Variants in NRK observed in about 807,000 individuals in gnomAD.
NRK encodes Nik related kinase.
NRK carries 67 observed loss-of-function variants against 125.2 expected under a neutral mutation model. That is an observed-to-expected ratio of 0.54 (90% CI 0.44 to 0.66). The LOEUF is 0.66. NRK is among the 30% of genes least tolerant of loss of function. The pLI is 0.00. For synonymous variants in NRK, 458 were observed against 429.0 expected, an observed-to-expected ratio of 1.07 and a Z score of -0.84; for missense variants, 1,224 against 1,192.9, an observed-to-expected ratio of 1.03 and a Z score of -0.38.
chrX:105,839,475 C>A (rs779464493), intron 2 of NRK, among the ~76,000 whole-genome samples: 2 of 111,578 alleles, frequency 1.8e-5, no homozygotes, highest in South Asian at 3.8e-4. Context: ...AGAGCTATGT[C>A]TTGGTTCCAC....
chrX:105,924,584 C>A, intron 18 of NRK, 111 bp from the exon 19 acceptor site: 2 of 596,872 alleles, frequency 3.4e-6, no homozygotes, highest in Non-Finnish European at 5.3e-6. Context: ...CAAAGACAAG[C>A]CTGGGCATGG....
At chrX:105,838,648 G>A (rs2039294960) in intron 2 of NRK, among the ~76,000 whole-genome samples, 1 of 111,332 alleles carries the variant, frequency 9.0e-6, no homozygotes, top group African/African-American at 3.3e-5. Context: ...TAATTGCCAT[G>A]TACGCTGATG....
intron 4 of NRK, among the ~76,000 whole-genome samples, chrX:105,886,757 G>A (rs189547157): frequency 1.0e-4 from 11 of 105,221 alleles, no homozygotes; most frequent in South Asian, 4.1e-4. Flanking sequence ...ATAAATTATC[G>A]AAAAAAATAA....
intron 2 of NRK, among the ~76,000 whole-genome samples, chrX:105,835,982 T>TA (rs2039260294): frequency 9.0e-6 from 1 of 111,682 alleles, no homozygotes; most frequent in Non-Finnish European, 1.9e-5. Flanking sequence ...CCACAAAAAT[T>TA]AAAAAACAAA....
At chrX:105,857,832 G>A (rs988227083) in intron 2 of NRK, among the ~76,000 whole-genome samples, 38 of 111,538 alleles carry the variant, frequency 3.4e-4, no homozygotes, top group African/African-American at 5.9e-4. Context: ...CAAAATGTGC[G>A]CATAAACAAG....
At chrX:105,841,025 C>G (rs1263403179) in intron 2 of NRK, among the ~76,000 whole-genome samples, 9 of 110,981 alleles carry the variant, frequency 8.1e-5, no homozygotes, top group Non-Finnish European at 1.7e-4. Context: ...ATGAAACACT[C>G]TTTGGAAAAT....
rs169674 is a variant in NRK at position 105,923,634 on chromosome X, A to G, written c.2975+152A>G. 3.4e-3 allele frequency among the ~76,000 whole-genome samples: 375 copies of G among 109,391 alleles called. 1 individual carries two copies. The highest frequency in any genetic ancestry group is 0.011 in the African/African-American group (348 of 30,266). The allele number at this position is 109,391 out of a possible 115,157, so 95.0% of individuals were successfully genotyped here. A position where few individuals can be genotyped will look rare whatever the true frequency, so the allele number is the denominator to read the frequency against. ...TTTGATTGTCAATAATGTATTTTAA[A>G]TTGTTCTAATGCAGAACATCTAATT... On this transcript the variant is annotated intron_variant, in intron 18 of 28. Coordinates refer to ENST00000243300, the MANE Select transcript of NRK (RefSeq NM_198465.4).
At chrX:105,844,181 A>G (rs187338800) in intron 2 of NRK, among the ~76,000 whole-genome samples, 135 of 110,595 alleles carry the variant, frequency 1.2e-3, no homozygotes, top group African/African-American at 3.9e-3. Context: ...ATTATACTCT[A>G]TAAGAGTTAG....
At position 105,955,540 on chromosome X, in the gene NRK, C is replaced by T; in HGVS notation, c.4689C>T (p.Ser1563=). The change falls in exon 29 of 29, where the codon AGC becomes AGT. Residue 1563 remains serine (S), a synonymous_variant. Coordinates refer to ENST00000243300, the MANE Select transcript of NRK (RefSeq NM_198465.4). ...CCTCTACCCTGCGCAATCACCACAG[C>T]CGGGTTTACTTCATGACACTTGGAA... ...FFTSTLRNHH[S]RVYFMTLGKL... is the part of the protein sequence containing the mutation. The T allele has an allele frequency of 8.4e-7, 1 of 1,194,632 alleles. No homozygotes were observed. The highest frequency in any genetic ancestry group is 1.7e-5 in the African/African-American group (1 of 57,482).
At chrX:105,823,206 T>C (rs1329025576) in intron 1 of NRK, among the ~76,000 whole-genome samples, 1 of 112,322 alleles carries the variant, frequency 8.9e-6, no homozygotes, top group African/African-American at 3.2e-5. Context: ...CCGCCTTGTC[T>C]AGCGGAGCTC....
At chrX:105,878,273 A>T (rs1260322263) in intron 2 of NRK, among the ~76,000 whole-genome samples, 4 of 111,038 alleles carry the variant, frequency 3.6e-5, no homozygotes, top group African/African-American at 9.8e-5. Flanking sequence ...AGGGTATCCA[A>T]CATACTCAAT....
At position 105,845,187 on chromosome X, in the gene NRK, C is replaced by G. The variant is rs2039384908; in HGVS notation, c.123+14068C>G. ...TGAGATGTGGACCCAAGCAATTTTA[C>G]TTAGCCTCAATCAAATTTTTTCGTT... On this transcript the variant is annotated intron_variant, in intron 2 of 28. Coordinates refer to ENST00000243300, the MANE Select transcript of NRK (RefSeq NM_198465.4). 2.7e-5 allele frequency among the ~76,000 whole-genome samples: 3 copies of G among 111,862 alleles called. No individual in the cohort carries two copies. In the Admixed American group the frequency reaches 2.8e-4, roughly 11 times the overall value.
chrX:105,838,951 A>T (rs2039298308), intron 2 of NRK, among the ~76,000 whole-genome samples: 1 of 111,361 alleles, frequency 9.0e-6, no homozygotes, highest in Non-Finnish European at 1.9e-5. Context: ...ACCGCCTGAC[A>T]CATTGCTTTT....
intron 27 of NRK, among the ~76,000 whole-genome samples, chrX:105,951,860 T>C (rs1339792294): frequency 8.9e-6 from 1 of 112,715 alleles, no homozygotes; most frequent in African/African-American, 3.2e-5. Context: ...AAGCCTGTGC[T>C]TTAAGTTTAG....
At chrX:105,930,489 G>T (rs984959775) in intron 19 of NRK, among the ~76,000 whole-genome samples, 2 of 110,075 alleles carry the variant, frequency 1.8e-5, no homozygotes, top group African/African-American at 6.6e-5. Flanking sequence ...AAATTTCATT[G>T]ATTTGTCTAT....
intron 2 of NRK, among the ~76,000 whole-genome samples, chrX:105,873,155 C>T (rs889447804): frequency 2.4e-4 from 27 of 111,395 alleles, no homozygotes; most frequent in African/African-American, 7.8e-4. Flanking sequence ...AAGCAAATAA[C>T]GGGAAGGACT....
chrX:105,946,419 C>T lies in NRK; in HGVS notation c.4308C>T (p.Ile1436=), dbSNP rs962936267. Residue 1436 remains isoleucine, a synonymous_variant, in exon 26 of 29, where the codon ATC becomes ATT. Transcript: ENST00000243300. ...GCTCAGCAGATGGATATCACCTCAT[C>T]GATGCAGAATCTGAGGTTATGTCTG... The part of the protein sequence containing the change: ...FFSSADGYHL[I]DAESEVMSDV... The T allele has an allele frequency of 8.4e-7, 1 of 1,196,209 alleles. No individual in the cohort carries two copies. The highest frequency in any genetic ancestry group is 1.1e-6 in the Non-Finnish European group (1 of 882,308).
Position 105,860,354 on chromosome X carries a change from A to G in NRK, c.124-19845A>G, listed in dbSNP as rs1295192556. ...TTTTTTAAGACTAGAGGAAATTCAT[A>G]TTTAACATCTCCACAGTCATTATTT... On this transcript the variant is annotated intron_variant, in intron 2 of 28. Coordinates refer to ENST00000243300, the MANE Select transcript of NRK (RefSeq NM_198465.4). Among the ~76,000 whole-genome samples the G allele has an allele frequency of 3.3e-4, 37 of 111,524 alleles. No individual in the cohort carries two copies. In the Admixed American group the frequency reaches 3.5e-3, roughly 11 times the overall value.
rs511557 is a variant in NRK, at chrX:105,842,803, A to G, written c.123+11684A>G. On this transcript the variant is annotated intron_variant, in intron 2 of 28. Coordinates refer to ENST00000243300, the MANE Select transcript of NRK (RefSeq NM_198465.4). ...TAGGGGTTTGCAGGTGAGGAGGTAA[A>G]TACAAGGTGTGCTATTTAAGTAAAA... 6.8e-3 allele frequency among the ~76,000 whole-genome samples: 749 copies of G among 110,922 alleles called. 8 individuals carry two copies. The highest frequency in any genetic ancestry group is 0.059 in the South Asian group (152 of 2,574).
Sources: allele counts gnomAD v4.1 joint callset (sites outside exome capture counted in the v4.1 genomes callset), GRCh38; gene constraint gnomAD v4.1.1; transcripts MANE v1.5; gene names NCBI Gene and HGNC (gene_info 2026-07-23, HGNC 2026-07-21).